The following PCDHGA3 variants were observed in gnomAD, a reference collection of about 807,000 sequenced individuals.
The protein encoded by PCDHGA3 is protocadherin gamma subfamily A, 3, also known as protocadherin gamma-A3.
PCDHGA3 carries 40 observed loss-of-function variants against 58.5 expected under a neutral mutation model. That is an observed-to-expected ratio of 0.68 (90% CI 0.53 to 0.89). The LOEUF (loss-of-function observed/expected upper bound fraction) is 0.89, where lower values mean the gene tolerates loss of function less well. PCDHGA3 is among the 40% of genes least tolerant of loss of function. The pLI is 0.00. For missense variants in PCDHGA3, 1,223 were observed against 1,195.9 expected (o/e 1.02, Z -0.33); for synonymous variants, 530 against 525.7 (o/e 1.01, Z -0.11).
At position 141,383,035 on chromosome 5, in the gene PCDHGA3, G is replaced by A. The variant is rs550075608; in HGVS notation, c.2424+36578G>A. ...GGAGACGGACAAAGGGTCCTTTGTG[G>A]GAGACATCGCCAAGGACCTGGGGCT... On this transcript the variant is annotated intron_variant, in intron 1 of 3. Coordinates refer to ENST00000253812, the MANE Select transcript of PCDHGA3 (RefSeq NM_018916.4). 3.1e-6 allele frequency: 5 copies of A among 1,613,882 alleles called. No individual in the cohort carries two copies. In the South Asian group the frequency reaches 5.5e-5, roughly 18 times the overall value.
intron 1 of PCDHGA3, chr5:141,393,678 A>T: frequency 6.2e-7 from 1 of 1,613,904 alleles, no homozygotes; most frequent in Non-Finnish European, 8.5e-7. Context: ...TGAAAAACAA[A>T]CTCCGTTATT....
At chr5:141,389,620 C>T (rs1447057180) in intron 1 of PCDHGA3, 1 of 1,613,032 alleles carries the variant, frequency 6.2e-7, no homozygotes, top group African/African-American at 1.3e-5. Context: ...GTGCCGCACG[C>T]TGCAGAGCCT....
At chr5:141,496,768 A>G (rs997951321) in intron 2 of PCDHGA3, among the ~76,000 whole-genome samples, 10 of 152,260 alleles carry the variant, frequency 6.6e-5, no homozygotes, top group African/African-American at 2.4e-4. Context: ...TCGAGCATCT[A>G]CTATGAGCAG....
At chr5:141,447,861 G>A (rs2098553733) in intron 1 of PCDHGA3, among the ~76,000 whole-genome samples, 1 of 152,120 alleles carries the variant, frequency 6.6e-6, no homozygotes, top group Non-Finnish European at 1.5e-5. Flanking sequence ...CGAGGTGGGT[G>A]AATCATCTGA....
At chr5:141,451,762 T>C (rs2154563695) in intron 1 of PCDHGA3, among the ~76,000 whole-genome samples, 1 of 152,100 alleles carries the variant, frequency 6.6e-6, no homozygotes, top group African/African-American at 2.4e-5. Flanking sequence ...ATGCCTATAG[T>C]CCCAGCTACT....
At chr5:141,470,306 T>C (rs2099227644) in intron 1 of PCDHGA3, among the ~76,000 whole-genome samples, 1 of 152,222 alleles carries the variant, frequency 6.6e-6, no homozygotes, top group South Asian at 2.1e-4. Flanking sequence ...TTATTCCATT[T>C]TTCCTCAAAT....
intron 1 of PCDHGA3, among the ~76,000 whole-genome samples, chr5:141,347,786 C>CAAAAAA (rs1186221035): frequency 9.4e-6 from 1 of 106,298 alleles, no homozygotes. Context: ...GACTCCATCT[C>CAAAAAA]AAAAAAAAAA....
chr5:141,433,106 G>C, intron 1 of PCDHGA3: 1 of 1,614,170 alleles, frequency 6.2e-7, no homozygotes, highest in Non-Finnish European at 8.5e-7. Flanking sequence ...CGTCAGCCAG[G>C]AGAGCTTTGA....
intron 1 of PCDHGA3, chr5:141,413,001 G>A (rs2095597089): frequency 1.7e-6 from 1 of 592,790 alleles, no homozygotes; most frequent in Non-Finnish European, 2.8e-6. Flanking sequence ...CGGATTCTCA[G>A]GGCTTCAACT....
intron 2 of PCDHGA3, among the ~76,000 whole-genome samples, chr5:141,496,538 T>G (rs568286018): frequency 1.5e-4 from 23 of 152,266 alleles, no homozygotes; most frequent in African/African-American, 5.5e-4. Flanking sequence ...TGGCAGAGAT[T>G]CCAGCTTCTG....
intron 1 of PCDHGA3, among the ~76,000 whole-genome samples, chr5:141,465,422 G>T (rs74711061): frequency 6.6e-6 from 1 of 152,142 alleles, no homozygotes; most frequent in Non-Finnish European, 1.5e-5. Context: ...AGCACTGAAA[G>T]GTGGGCACTT....
chr5:141,423,050 G>C, intron 1 of PCDHGA3: 1 of 1,614,186 alleles, frequency 6.2e-7, no homozygotes, highest in Non-Finnish European at 8.5e-7. Flanking sequence ...CTGTCCTATC[G>C]CCTGCTTAAG....
rs1365103964 is a variant in PCDHGA3 at position 141,344,754 on chromosome 5, A to G, written c.721A>G (p.Met241Val). The change falls in exon 1 of 4, where the codon ATG becomes GTG. Residue 241 changes from methionine (M) to valine (V), a missense_variant. Transcript: ENST00000253812. The part of the protein sequence containing the change: ...IVLDANDNPP[M>V]FTQPEYRVSV... ...CCTGGATGCAAATGACAACCCACCA[A>G]TGTTTACTCAGCCTGAGTACCGTGT... 1 of 1,613,796 alleles carries G rather than the reference A, an allele frequency of 6.2e-7. No individual in the cohort carries two copies. Among genetic ancestry groups the G allele is most frequent in the Non-Finnish European group, 8.5e-7 (1 of 1,179,904 alleles).
intron 1 of PCDHGA3, chr5:141,399,280 G>T (rs750453381): frequency 6.2e-7 from 1 of 1,613,836 alleles, no homozygotes; most frequent in Non-Finnish European, 8.5e-7. Flanking sequence ...ATTACAAGGC[G>T]AAGTCCCTTT....
intron 1 of PCDHGA3, among the ~76,000 whole-genome samples, chr5:141,363,604 C>T (rs907704240): frequency 6.6e-6 from 1 of 152,196 alleles, no homozygotes; most frequent in Non-Finnish European, 1.5e-5. Flanking sequence ...CAAACGCTGT[C>T]TGAGATAGTG....
At chr5:141,375,705 C>G (rs1257909608) in intron 1 of PCDHGA3, 26 of 1,614,162 alleles carry the variant, frequency 1.6e-5, no homozygotes, top group Non-Finnish European at 2.1e-5. Context: ...GGGGACCCGC[C>G]TCTTAGCAGC....
At chr5:141,405,545 AAGTAGAGTAGCTGGGACTAG>A (rs1053729516) in intron 1 of PCDHGA3, 17 of 631,162 alleles carry the variant, frequency 2.7e-5, no homozygotes, top group African/African-American at 9.2e-5. Flanking sequence ...TCAGCCTCCC[AAGTAGAGTAGCTGGGACTAG>A]AGTAGAGTAG....
chr5:141,357,328 G>C, intron 1 of PCDHGA3: 2 of 1,614,102 alleles, frequency 1.2e-6, no homozygotes, highest in Non-Finnish European at 1.7e-6. Context: ...TTTTGTCACG[G>C]TGCTGCTAGC....
At chr5:141,403,099 C>G in intron 1 of PCDHGA3, 5 of 1,614,056 alleles carry the variant, frequency 3.1e-6, no homozygotes, top group Non-Finnish European at 4.2e-6. Context: ...GCAACATCTC[C>G]AAGGACCTGG....
Sources: gnomAD v4.1 joint callset for allele counts (sites outside exome capture counted in the v4.1 genomes callset) on GRCh38, gnomAD v4.1.1 for gene constraint, MANE v1.5 for transcripts, NCBI Gene and HGNC (gene_info 2026-07-23, HGNC 2026-07-21) for gene names.